The following NTM variants were observed in gnomAD, a reference collection of about 807,000 sequenced individuals.
NTM encodes IgLON family member 2.
In NTM, 13 loss-of-function variants were observed where a neutral mutation model predicts 42.1. The observed-to-expected ratio is 0.31, with a 90% CI of 0.20 to 0.49. The LOEUF is 0.49. Among genes scored for constraint, NTM ranks in the 20% least tolerant of loss-of-function variants. The pLI, the probability that NTM is intolerant of heterozygous loss-of-function variation, is 0.99. For missense variants in NTM, 373 were observed against 452.8 expected, an observed-to-expected ratio of 0.82 and a Z score of 1.60; for synonymous variants, 187 against 179.2, an observed-to-expected ratio of 1.04 and a Z score of -0.35.
chr11:131,832,189 G>GAA (rs11367226), intron 1 of NTM, among the ~76,000 whole-genome samples: 2 of 138,726 alleles, frequency 1.4e-5, no homozygotes, highest in Non-Finnish European at 1.5e-5. Context: ...TGTTAGAAGA[G>GAA]AAAAAAAAAA....
intron 1 of NTM, among the ~76,000 whole-genome samples, chr11:131,820,384 C>T (rs672195): frequency 0.56 from 85,782 of 152,048 alleles, 25,444 homozygotes; most frequent in East Asian, 0.83. Flanking sequence ...ATTGGAATCA[C>T]GCATTCCCAT....
chr11:131,789,636 A>AGGAGAAAAGAAGAAGAAG, intron 1 of NTM, among the ~76,000 whole-genome samples: 1 of 30,902 alleles, frequency 3.2e-5, no homozygotes, highest in African/African-American at 1.2e-4. Flanking sequence ...AAGAAGAAGA[A>AGGAGAAAAGAAGAAGAAG]AAGAAGAAGA....
chr11:132,232,992 A>G (rs1055476264), intron 4 of NTM, among the ~76,000 whole-genome samples: 9 of 152,212 alleles, frequency 5.9e-5, no homozygotes, highest in Admixed American at 5.2e-4. Flanking sequence ...TCACCTAACC[A>G]TTTCACAAAT....
At chr11:131,597,474 T>C (rs1014072157) in intron 1 of NTM, among the ~76,000 whole-genome samples, 10 of 152,144 alleles carry the variant, frequency 6.6e-5, no homozygotes, top group African/African-American at 2.2e-4. Context: ...CCACCTCCCC[T>C]GTCCACTTCA....
intron 3 of NTM, among the ~76,000 whole-genome samples, chr11:132,173,061 C>T (rs2076323754): frequency 1.3e-5 from 2 of 152,312 alleles, no homozygotes; most frequent in South Asian, 4.1e-4. Context: ...TTAATTAAAC[C>T]TCACAATATG....
intron 1 of NTM, among the ~76,000 whole-genome samples, chr11:131,860,974 G>T (rs147639397): frequency 1.3e-5 from 2 of 152,106 alleles, no homozygotes; most frequent in Non-Finnish European, 2.9e-5. Flanking sequence ...AGCCTGATTT[G>T]CCAGGGGCTT....
chr11:131,559,883 T>C (rs939187450), intron 1 of NTM, among the ~76,000 whole-genome samples: 3 of 152,120 alleles, frequency 2.0e-5, no homozygotes, highest in Admixed American at 6.5e-5. Context: ...TGTCATCCCA[T>C]TGCCCACCTA....
chr11:132,147,293 C>T (rs2070747358), intron 3 of NTM, among the ~76,000 whole-genome samples: 1 of 151,832 alleles, frequency 6.6e-6, no homozygotes, highest in Non-Finnish European at 1.5e-5. Flanking sequence ...CTCACCTCTT[C>T]CCACAAGGCA....
At chr11:132,129,398 G>C (rs1158761966) in intron 2 of NTM, among the ~76,000 whole-genome samples, 1 of 152,206 alleles carries the variant, frequency 6.6e-6, no homozygotes, top group Non-Finnish European at 1.5e-5. Flanking sequence ...GAAGCAAACA[G>C]ATCCCAGGAG....
At chr11:131,803,465 C>T (rs1376177912) in intron 1 of NTM, among the ~76,000 whole-genome samples, 1 of 152,096 alleles carries the variant, frequency 6.6e-6, no homozygotes, top group Non-Finnish European at 1.5e-5. Context: ...TGCACCACCA[C>T]ACCCAGCTAA....
intron 3 of NTM, among the ~76,000 whole-genome samples, chr11:132,164,925 G>T (rs539395655): frequency 7.9e-5 from 12 of 152,100 alleles, no homozygotes; most frequent in Non-Finnish European, 1.3e-4. Flanking sequence ...TCATGCAAAC[G>T]CTACTCTTCC....
rs1337862030 is a variant in NTM at position 131,371,190 on chromosome 11, C to T, written c.82+302C>T. Reference sequence around the variant, plus strand: ...TCATGCACATTCTTGCACACATACACAACGGAGCACACATGTAAGCAGGGG... The same window carrying T: ...TCATGCACATTCTTGCACACATACATAACGGAGCACACATGTAAGCAGGGG... On this transcript the variant is annotated intron_variant, in intron 1 of 8. Transcript: ENST00000683400. 5.9e-6 allele frequency: 4 copies of T among 682,676 alleles called. No homozygotes were observed. The Admixed American group carries it at 2.5e-4, about 43-fold the overall frequency. 42.3% of individuals were successfully genotyped at this position (682,676 alleles called of 1,614,324 possible).
chr11:131,691,656 A>T (rs1215636022), intron 1 of NTM, among the ~76,000 whole-genome samples: 1 of 151,914 alleles, frequency 6.6e-6, no homozygotes, highest in Non-Finnish European at 1.5e-5. Context: ...GCGGGTAAAG[A>T]TGGCAACCCC....
intron 1 of NTM, among the ~76,000 whole-genome samples, chr11:131,590,648 C>T (rs1316795862): frequency 6.6e-6 from 1 of 152,216 alleles, no homozygotes; most frequent in Non-Finnish European, 1.5e-5. Flanking sequence ...TCTTTGAATG[C>T]TTGCTCACGG....
rs1565494793 is a variant in NTM at position 131,432,839 on chromosome 11, C to CATTTTTTTT, written c.82+61951_82+61952insATTTTTTTT. 5.1e-4 allele frequency among the ~76,000 whole-genome samples: 35 copies of CATTTTTTTT among 68,702 alleles called. 1 individual carries two copies. The highest frequency in any genetic ancestry group is 7.0e-4 in the Non-Finnish European group (27 of 38,810). 45.1% of individuals were successfully genotyped at this position (68,702 alleles called of 152,430 possible). On this transcript the variant is annotated intron_variant, in intron 1 of 8. Coordinates refer to ENST00000683400, the MANE Select transcript of NTM (RefSeq NM_001352005.2). ...CTACAAAAGATGAAGATTTAGCATTCTTTTTTTTTTTTTTTTTTTTTTTTT... is the reference window on the plus strand; with the variant it reads ...CTACAAAAGATGAAGATTTAGCATTCATTTTTTTTTTTTTTTTTTTTTTTTTTTTTTTTT...
At chr11:132,005,077 G>C (rs1356004056) in intron 2 of NTM, among the ~76,000 whole-genome samples, 3 of 152,086 alleles carry the variant, frequency 2.0e-5, no homozygotes, top group African/African-American at 7.2e-5. Context: ...ATGGTAAAGG[G>C]GCAGAGGATG....
chr11:132,264,129 A>T (rs552553526), intron 4 of NTM, among the ~76,000 whole-genome samples: 26 of 152,302 alleles, frequency 1.7e-4, no homozygotes, highest in African/African-American at 6.0e-4. Flanking sequence ...ACAAACAGAA[A>T]TGTCTATTTT....
chr11:131,925,943 A>G (rs2057892919), intron 2 of NTM, among the ~76,000 whole-genome samples: 1 of 152,164 alleles, frequency 6.6e-6, no homozygotes, highest in Admixed American at 6.5e-5. Flanking sequence ...CTGGCACATA[A>G]TAGGAGCTGA....
At chr11:132,156,195 T>C (rs904416714) in intron 3 of NTM, among the ~76,000 whole-genome samples, 1 of 152,158 alleles carries the variant, frequency 6.6e-6, no homozygotes, top group South Asian at 2.1e-4. Context: ...CAATTCCTTA[T>C]GAAGGAGTTG....
Sources: allele counts gnomAD v4.1 joint callset (sites outside exome capture counted in the v4.1 genomes callset), GRCh38; gene constraint gnomAD v4.1.1; transcripts MANE v1.5; gene names NCBI Gene and HGNC (gene_info 2026-07-23, HGNC 2026-07-21).